Variants in SYNE2 observed in about 807,000 individuals in gnomAD.
The protein encoded by SYNE2 is nesprin-2.
SYNE2 carries 431 observed loss-of-function variants against 856.3 expected under a neutral mutation model. The ratio of observed to expected loss-of-function variants is 0.50; its 90% confidence interval spans 0.47 to 0.55. The LOEUF is 0.55. Ranked by LOEUF, SYNE2 falls within the 20% of genes least tolerant of loss-of-function variation. The pLI, the probability that SYNE2 is intolerant of heterozygous loss-of-function variation, is 0.00. For missense variants in SYNE2, 8,129 were observed against 8,023.2 expected (o/e 1.01, Z -0.50); for synonymous variants, 2,923 against 2,872.3 (o/e 1.02, Z -0.56).
At position 64,098,063 on chromosome 14, in the gene SYNE2, C is replaced by G. The variant is rs1567288431; in HGVS notation, c.12223C>G (p.Gln4075Glu). 6.2e-7 allele frequency: 1 copy of G among 1,614,136 alleles called. No homozygotes were observed. Among genetic ancestry groups the G allele is most frequent in the Non-Finnish European group, 8.5e-7 (1 of 1,180,022 alleles). The part of the protein sequence containing the change: ...LNLHQHLKQE[Q>E]EGVERDRLPA... Reference sequence around the variant, plus strand: ...CCTTCACCAGCATTTGAAGCAAGAACAAGAAGGAGTAGAAAGAGATAGGCT... The same window carrying G: ...CCTTCACCAGCATTTGAAGCAAGAAGAAGAAGGAGTAGAAAGAGATAGGCT... Residue 4075 changes from glutamine (Q) to glutamate (E), a missense_variant, in exon 62 of 116, where the codon CAA becomes GAA. Physicochemically the swap from Gln to Glu is conservative, Grantham distance 29 (BLOSUM62 2). Around this residue, in one of 3 missense-constraint regions of SYNE2, gnomAD observed 5,410 missense variants for 5,284.8 expected, o/e 1.02. Transcript: ENST00000555002.
intron 1 of SYNE2, among the ~76,000 whole-genome samples, chr14:63,892,619 C>A (rs1023661217): frequency 1.3e-5 from 2 of 151,736 alleles, no homozygotes; most frequent in Admixed American, 6.6e-5. Context: ...GGAATTGCAA[C>A]TTCTTTTTTG....
At chr14:63,922,272 T>A (rs1295211156) in intron 2 of SYNE2, among the ~76,000 whole-genome samples, 4 of 152,222 alleles carry the variant, frequency 2.6e-5, no homozygotes, top group Non-Finnish European at 5.9e-5. Flanking sequence ...CCCAAAGTGC[T>A]GAGATTACAG....
chr14:63,856,783 T>A (rs1595208555), intron 1 of SYNE2, among the ~76,000 whole-genome samples: 1 of 152,106 alleles, frequency 6.6e-6, no homozygotes, highest in East Asian at 1.9e-4. Context: ...ACTTATTTTA[T>A]TTTTTTGAGA....
intron 96 of SYNE2, among the ~76,000 whole-genome samples, chr14:64,186,010 T>A (rs2098487928): frequency 1.3e-5 from 2 of 152,178 alleles, no homozygotes; most frequent in Admixed American, 1.3e-4. Flanking sequence ...AGCAATGCAT[T>A]TCTTAGGGTT....
intron 1 of SYNE2, among the ~76,000 whole-genome samples, chr14:63,822,437 T>G (rs923625432): frequency 6.6e-6 from 1 of 152,148 alleles, no homozygotes; most frequent in Non-Finnish European, 1.5e-5. Flanking sequence ...TCACTATGTG[T>G]GACTAGCTTT....
Position 63,990,546 on chromosome 14 carries a change from C to T in SYNE2, c.2449C>T (p.Gln817Ter). ...VLTTGLQAKI[Q>*]EAKEKVQINV... ...CACAACTGGGCTTCAGGCAAAGATT[C>T]AAGAAGCTAAAGAGAAAGTCCAGGT... Residue 817 changes from glutamine (Q) to a stop codon, truncating the protein, a stop_gained, in exon 20 of 116, where the codon CAA (glutamine) becomes TAA (stop). Coordinates refer to ENST00000555002, the MANE Select transcript of SYNE2 (RefSeq NM_182914.3). LOFTEE classifies it high-confidence loss of function. 1 of 1,613,858 alleles carries T rather than the reference C, an allele frequency of 6.2e-7. No homozygotes were observed. The highest frequency in any genetic ancestry group is 1.7e-4 in the Middle Eastern group (1 of 5,982).
intron 2 of SYNE2, among the ~76,000 whole-genome samples, chr14:63,924,565 G>A (rs2095637017): frequency 6.6e-6 from 1 of 152,074 alleles, no homozygotes; most frequent in African/African-American, 2.4e-5. Context: ...CATTGAATAA[G>A]TCTTGCAGTT....
intron 1 of SYNE2, among the ~76,000 whole-genome samples, chr14:63,781,518 T>A (rs913351713): frequency 1.3e-5 from 2 of 151,466 alleles, no homozygotes; most frequent in Admixed American, 1.3e-4. Flanking sequence ...GGAGTCTCGC[T>A]CTGTCGCCCA....
intron 7 of SYNE2, among the ~76,000 whole-genome samples, chr14:63,953,679 T>A (rs1369740211): frequency 6.6e-6 from 1 of 152,214 alleles, no homozygotes; most frequent in African/African-American, 2.4e-5. Context: ...TGTGTAACCA[T>A]CACCACTCTC....
chr14:63,810,938 G>A (rs892075330), intron 1 of SYNE2, among the ~76,000 whole-genome samples: 12 of 152,064 alleles, frequency 7.9e-5, no homozygotes, highest in African/African-American at 2.7e-4. Context: ...GGGTTCAAGC[G>A]ATTCTCCTGC....
At chr14:63,886,764 A>G (rs2094996594) in intron 1 of SYNE2, among the ~76,000 whole-genome samples, 1 of 152,000 alleles carries the variant, frequency 6.6e-6, no homozygotes, top group Non-Finnish European at 1.5e-5. Flanking sequence ...GGTTCAAGTG[A>G]TTCTCCTGCC....
chr14:63,859,388 C>A (rs1024087214), intron 1 of SYNE2, among the ~76,000 whole-genome samples: 2 of 152,064 alleles, frequency 1.3e-5, no homozygotes, highest in African/African-American at 4.8e-5. Flanking sequence ...ATTCCAGTTT[C>A]CTTAGGTCAT....
chr14:64,036,957 C>T (rs923900884), intron 45 of SYNE2, among the ~76,000 whole-genome samples: 1 of 152,012 alleles, frequency 6.6e-6, no homozygotes, highest in Non-Finnish European at 1.5e-5. Flanking sequence ...ATTACAGGAA[C>T]CAAAGGAAGG....
intron 1 of SYNE2, among the ~76,000 whole-genome samples, chr14:63,887,505 C>T (rs901811825): frequency 1.3e-5 from 2 of 152,140 alleles, no homozygotes; most frequent in African/African-American, 4.8e-5. Flanking sequence ...GAAGAGAGAG[C>T]CCAGCTGATT....
In SYNE2 at chr14:63,808,760, C is replaced by T. The variant is rs138540495; in HGVS notation, c.-304-43741C>T. On this transcript the variant is annotated intron_variant, in intron 1 of 23. Coordinates refer to the SYNE2 transcript ENST00000674003. ...AGAGGTGGCTGGGCGTGGTGGCTCA[C>T]GCCTGTAATGCCAGCATTTGGGGAG... 490 of 152,516 alleles carry T rather than the reference C, an allele frequency of 3.2e-3. 3 individuals are homozygous for T. The highest frequency in any genetic ancestry group is 0.011 in the African/African-American group (461 of 41,554). The allele number at this position is 152,516 out of a possible 1,614,324, so 9.4% of individuals were successfully genotyped here. A position where few individuals can be genotyped will look rare whatever the true frequency, so the allele number is the denominator to read the frequency against.
Position 63,990,895 on chromosome 14 carries a change from T to C in SYNE2, c.2473-47T>C, listed in dbSNP as rs373920867. The C allele has an allele frequency of 2.1e-3, 3,132 of 1,502,876 alleles. 1 individual carries two copies. The highest frequency in any genetic ancestry group is 2.7e-3 in the Non-Finnish European group (2,935 of 1,080,928). The allele number at this position is 1,502,876 out of a possible 1,614,324, so 93.1% of individuals were successfully genotyped here. ...AAGTATTTGTTAACTTAAGAATTTATTAAGAATTGGTCCCCGTGTTAATTT... is the reference window on the plus strand; with the variant it reads ...AAGTATTTGTTAACTTAAGAATTTACTAAGAATTGGTCCCCGTGTTAATTT... On this transcript the variant is annotated intron_variant, in intron 20 of 115. Transcript: ENST00000555002.
At chr14:64,023,705 C>T (rs200419039) in intron 38 of SYNE2, 1 of 172,892 alleles carries the variant, frequency 5.8e-6, no homozygotes, top group Non-Finnish European at 1.2e-5. Flanking sequence ...CTATCTATTA[C>T]TTTAATGTTT....
Position 64,165,354 on chromosome 14 carries a change from G to A in SYNE2, c.16549G>A (p.Glu5517Lys). 6.2e-7 allele frequency: 1 copy of A among 1,613,862 alleles called. No homozygotes were observed. The highest frequency in any genetic ancestry group is 8.5e-7 in the Non-Finnish European group (1 of 1,179,796). ...TTTAAAAGGTCTTATTATGCATGAAGAAGAGAATTTGGATAGACTTCACCA... is the reference window on the plus strand; with the variant it reads ...TTTAAAAGGTCTTATTATGCATGAAAAAGAGAATTTGGATAGACTTCACCA... ...ESLKGLIMHE[E>K]ENLDRLHQQE... The change falls in exon 90 of 116, where the codon GAA becomes AAA. Residue 5517 changes from glutamate to lysine, a missense_variant. This residue lies in a region of SYNE2 where 5,410 missense variants were observed against 5,284.8 expected (regional missense o/e 1.02). Transcript: ENST00000555002.
At chr14:64,084,678 T>C (rs79238083) in intron 57 of SYNE2, 15,440 of 344,038 alleles carry the variant, frequency 0.045, 492 homozygotes, top group Non-Finnish European at 0.062. Flanking sequence ...TTGGGTTGCT[T>C]CCAGTTTTGA....
Sources: allele counts gnomAD v4.1 joint callset (sites outside exome capture counted in the v4.1 genomes callset), GRCh38; gene constraint gnomAD v4.1.1; regional missense constraint gnomAD v4.1.1; transcripts MANE v1.5; gene names NCBI Gene and HGNC (gene_info 2026-07-23, HGNC 2026-07-21).